Variants in SLC30A6 observed in about 807,000 individuals in gnomAD.
SLC30A6 encodes solute carrier family 30 member 6.
Under a neutral mutation model 63.0 loss-of-function variants are expected in SLC30A6, and 55 were observed. The observed-to-expected ratio is 0.87, with a 90% CI of 0.70 to 1.09. The LOEUF (loss-of-function observed/expected upper bound fraction) is 1.09. Ranked by LOEUF, SLC30A6 falls within the 50% of genes least tolerant of loss-of-function variation. The pLI, the probability that SLC30A6 is intolerant of heterozygous loss-of-function variation, is 0.00. For synonymous variants in SLC30A6, 224 were observed against 186.1 expected, an observed-to-expected ratio of 1.20 and a Z score of -1.66; for missense variants, 587 against 549.2, an observed-to-expected ratio of 1.07 and a Z score of -0.69.
chr2:32,186,001 G>T (rs1043948873), intron 5 of SLC30A6, among the ~76,000 whole-genome samples: 15 of 151,620 alleles, frequency 9.9e-5, no homozygotes, highest in African/African-American at 1.5e-4. Context: ...AAAGTGCTGG[G>T]ATTACAGGTG....
intron 4 of SLC30A6, among the ~76,000 whole-genome samples, chr2:32,182,543 A>T (rs1240625364): frequency 2.6e-5 from 4 of 152,254 alleles, no homozygotes; most frequent in East Asian, 1.9e-4. Context: ...AGGGGTGTTA[A>T]TGGAATCTGA....
chr2:32,191,874 G>C (rs902527351), intron 5 of SLC30A6, among the ~76,000 whole-genome samples: 2 of 151,892 alleles, frequency 1.3e-5, no homozygotes, highest in African/African-American at 4.8e-5. Context: ...TTGAAAAAAA[G>C]AAAAAAGTGG....
At chr2:32,203,655 G>T in intron 10 of SLC30A6, 1 of 1,563,892 alleles carries the variant, frequency 6.4e-7, no homozygotes, top group Non-Finnish European at 8.8e-7. Context: ...CAGTGTCTCA[G>T]ATTACCAGAA....
At chr2:32,181,108 TTAA>T (rs796464258) in intron 4 of SLC30A6, among the ~76,000 whole-genome samples, 8 of 152,354 alleles carry the variant, frequency 5.3e-5, no homozygotes, top group African/African-American at 1.9e-4. Flanking sequence ...TTGGAGAACA[TTAA>T]TACCAAAGTG....
intron 8 of SLC30A6, among the ~76,000 whole-genome samples, chr2:32,195,138 T>C (rs372421546): frequency 1.3e-5 from 2 of 150,542 alleles, no homozygotes; most frequent in East Asian, 3.9e-4. Flanking sequence ...CTCACTCTCT[T>C]GCCCAGGCTG....
At chr2:32,174,010 C>A in intron 2 of SLC30A6, 53 bp from the exon 3 acceptor site, 1 of 1,366,910 alleles carries the variant, frequency 7.3e-7, no homozygotes, top group South Asian at 1.3e-5. Flanking sequence ...CTTGAACAGA[C>A]CCCGTGAAAT....
intron 13 of SLC30A6, among the ~76,000 whole-genome samples, chr2:32,211,668 C>T (rs925681972): frequency 1.3e-5 from 2 of 151,890 alleles, no homozygotes; most frequent in East Asian, 1.9e-4. Flanking sequence ...CCCAGGTGGG[C>T]GTGCAGTAGT....
intron 5 of SLC30A6, chr2:32,187,322 G>T: frequency 2.2e-6 from 1 of 449,214 alleles, no homozygotes; most frequent in Non-Finnish European, 4.5e-6. Context: ...TAAAGAGCTA[G>T]CTAGAGTATT....
At chr2:32,176,283 C>CA (rs1287643330) in intron 4 of SLC30A6, among the ~76,000 whole-genome samples, 1 of 152,112 alleles carries the variant, frequency 6.6e-6, no homozygotes, top group Non-Finnish European at 1.5e-5. Flanking sequence ...TTTTGCCTGT[C>CA]ACGTTGGGAA....
At chr2:32,194,257 T>C (rs1246379960) in intron 8 of SLC30A6, among the ~76,000 whole-genome samples, 1 of 152,216 alleles carries the variant, frequency 6.6e-6, no homozygotes, top group Non-Finnish European at 1.5e-5. Context: ...CCAAATAATG[T>C]GAGATTCTAA....
chr2:32,215,520 T>A (rs202227902), intron 13 of SLC30A6, among the ~76,000 whole-genome samples: 8,656 of 121,658 alleles, frequency 0.071, 299 homozygotes, highest in South Asian at 0.11. Flanking sequence ...ATATATATTT[T>A]TTTTTTTTTT....
intron 9 of SLC30A6, 62 bp from the exon 10 acceptor site, chr2:32,197,645 G>A: frequency 1.2e-6 from 2 of 1,604,082 alleles, no homozygotes; most frequent in South Asian, 2.2e-5. Context: ...TCTTTTACAA[G>A]GTTGTCACCA....
Position 32,171,925 on chromosome 2 carries a change from C to T in SLC30A6, c.90+552C>T, listed in dbSNP as rs537862299. Among the ~76,000 whole-genome samples, 65 of 152,148 alleles carry T rather than the reference C, an allele frequency of 4.3e-4. 1 individual carries two copies. The highest frequency in any genetic ancestry group is 2.4e-4 in the Non-Finnish European group (16 of 68,034). On this transcript the variant is annotated intron_variant, in intron 2 of 13. Coordinates refer to ENST00000282587, the MANE Select transcript of SLC30A6 (RefSeq NM_017964.5). ...GTCAGGCTGATCTCGAACTCCCGAC[C>T]TCAGGTGATCCGCCCACCTCGGCCT...
intron 3 of SLC30A6, among the ~76,000 whole-genome samples, chr2:32,174,408 G>C (rs1681523291): frequency 6.6e-6 from 1 of 151,840 alleles, no homozygotes; most frequent in African/African-American, 2.4e-5. Context: ...GCCCAGGCTG[G>C]TCTCAAAATC....
intron 10 of SLC30A6, 58 bp from the exon 11 acceptor site, chr2:32,204,532 A>G: frequency 8.5e-7 from 1 of 1,170,558 alleles, no homozygotes; most frequent in South Asian, 1.3e-5. Context: ...AGGAGATTTA[A>G]TTGTAATATG....
At chr2:32,217,733 T>C (rs1685826807) in intron 13 of SLC30A6, among the ~76,000 whole-genome samples, 1 of 152,228 alleles carries the variant, frequency 6.6e-6, no homozygotes, top group Non-Finnish European at 1.5e-5. Context: ...CATCTGTGAT[T>C]TCTTTGAGCA....
At chr2:32,202,041 A>G in intron 10 of SLC30A6, 6 of 1,021,716 alleles carry the variant, frequency 5.9e-6, no homozygotes, top group Non-Finnish European at 8.7e-6. Context: ...AAAAGCAAGT[A>G]TCATCCTTAG....
At chr2:32,203,936 A>G in intron 10 of SLC30A6, 1 of 804,498 alleles carries the variant, frequency 1.2e-6, no homozygotes, top group Non-Finnish European at 2.2e-6. Context: ...AGTTGACAAG[A>G]TGGTAGAAGA....
chr2:32,199,404 C>A (rs1323782387), intron 10 of SLC30A6, among the ~76,000 whole-genome samples: 2 of 152,032 alleles, frequency 1.3e-5, no homozygotes, highest in African/African-American at 4.8e-5. Flanking sequence ...CTGTATTTAT[C>A]TAATTTATTT....
Sources: allele counts gnomAD v4.1 joint callset (sites outside exome capture counted in the v4.1 genomes callset), GRCh38; gene constraint gnomAD v4.1.1; transcripts MANE v1.5; gene names NCBI Gene and HGNC (gene_info 2026-07-23, HGNC 2026-07-21).